The following EPHA3 variants were observed in gnomAD, a reference collection of about 807,000 sequenced individuals.
EPHA3 encodes EPH receptor A3.
Under a neutral mutation model 107.1 loss-of-function variants are expected in EPHA3, and 42 were observed. The observed-to-expected ratio is 0.39, with a 90% CI of 0.31 to 0.51. The LOEUF (loss-of-function observed/expected upper bound fraction) is 0.51. Among genes scored for constraint, EPHA3 ranks in the 20% least tolerant of loss-of-function variants. EPHA3 has a pLI of 0.78. For missense variants in EPHA3, 1,183 were observed against 1,211.2 expected, an observed-to-expected ratio of 0.98 and a Z score of 0.35; for synonymous variants, 461 against 424.8, an observed-to-expected ratio of 1.09 and a Z score of -1.05.
chr3:89,138,076 A>G (rs2107008353), intron 2 of EPHA3, among the ~76,000 whole-genome samples: 1 of 152,082 alleles, frequency 6.6e-6, no homozygotes, highest in East Asian at 1.9e-4. Flanking sequence ...AGTACTTACT[A>G]AGATATTCAG....
rs568185407 is a variant in EPHA3 at position 89,431,172 on chromosome 3, T to A, written c.2159T>A (p.Val720Asp). 1 of 1,613,828 alleles carries A rather than the reference T, an allele frequency of 6.2e-7. No homozygotes were observed. Among genetic ancestry groups the A allele is most frequent in the East Asian group, 2.2e-5 (1 of 44,848 alleles). ...CAGAAACACGATGCCCAGTTTACTG[T>A]CATTCAGCTAGTGGGGATGCTTCGA... ...FLRKHDAQFT[V>D]IQLVGMLRGI... The change falls in exon 13 of 17, where the codon GTC (valine) becomes GAC (aspartate). Residue 720 changes from valine to aspartate, a missense_variant. Val to Asp is a radical substitution (Grantham distance 152). Transcript: ENST00000336596.
intron 3 of EPHA3, among the ~76,000 whole-genome samples, chr3:89,230,041 A>G (rs1256214143): frequency 6.6e-6 from 1 of 152,126 alleles, no homozygotes; most frequent in African/African-American, 2.4e-5. Flanking sequence ...TATGAGCTTT[A>G]AAAATTATTT....
chr3:89,457,224 G>T (rs1435381978), intron 15 of EPHA3, among the ~76,000 whole-genome samples: 1 of 152,108 alleles, frequency 6.6e-6, no homozygotes, highest in Non-Finnish European at 1.5e-5. Flanking sequence ...CGCATAATAC[G>T]GTTTTGCTAG....
chr3:89,260,596 G>A (rs577415084), intron 3 of EPHA3, among the ~76,000 whole-genome samples: 45 of 152,114 alleles, frequency 3.0e-4, no homozygotes, highest in Non-Finnish European at 5.6e-4. Context: ...CCCCTTATCA[G>A]TTGTGTGATA....
chr3:89,191,455 C>G lies in EPHA3; in HGVS notation c.154-18405C>G, dbSNP rs566222895. On this transcript the variant is annotated intron_variant, in intron 2 of 16. Transcript: ENST00000336596. Reference sequence around the variant, plus strand: ...CCGAGTAGCTGGGACTACAGGCGCCCGCCACCACGCCCGGCTAATTTTTTG... The same window carrying G: ...CCGAGTAGCTGGGACTACAGGCGCCGGCCACCACGCCCGGCTAATTTTTTG... Among the ~76,000 whole-genome samples the G allele has an allele frequency of 6.7e-3, 1,015 of 151,862 alleles. 10 individuals carry two copies. The highest frequency in any genetic ancestry group is 0.023 in the African/African-American group (956 of 41,448).
chr3:89,115,070 G>A (rs1707220602), intron 1 of EPHA3, among the ~76,000 whole-genome samples: 1 of 152,116 alleles, frequency 6.6e-6, no homozygotes, highest in South Asian at 2.1e-4. Flanking sequence ...ATTCTGCAAG[G>A]TTCGCTGCCG....
chr3:89,267,730 C>T (rs1464196120), intron 3 of EPHA3, among the ~76,000 whole-genome samples: 1 of 151,944 alleles, frequency 6.6e-6, no homozygotes, highest in East Asian at 1.9e-4. Flanking sequence ...TCTGTTTAAG[C>T]TTTGGCTTGC....
At chr3:89,262,829 GC>G (rs944375642) in intron 3 of EPHA3, among the ~76,000 whole-genome samples, 10 of 152,070 alleles carry the variant, frequency 6.6e-5, no homozygotes, top group African/African-American at 2.4e-4. Context: ...GAGGGAGTGC[GC>G]AGGTGAGTGG....
chr3:89,148,033 T>C (rs1478982504), intron 2 of EPHA3, among the ~76,000 whole-genome samples: 1 of 151,932 alleles, frequency 6.6e-6, no homozygotes, highest in Non-Finnish European at 1.5e-5. Flanking sequence ...AATGATGTTA[T>C]ATTCTAGAAG....
At chr3:89,260,983 G>A (rs1705401991) in intron 3 of EPHA3, among the ~76,000 whole-genome samples, 1 of 152,090 alleles carries the variant, frequency 6.6e-6, no homozygotes, top group Non-Finnish European at 1.5e-5. Context: ...TCCATTATCT[G>A]CACATTTCCT....
chr3:89,251,595 G>T (rs1705168989), intron 3 of EPHA3, among the ~76,000 whole-genome samples: 1 of 151,924 alleles, frequency 6.6e-6, no homozygotes, highest in Admixed American at 6.6e-5. Flanking sequence ...ATTTAAATAT[G>T]AATCAATCTG....
intron 3 of EPHA3, among the ~76,000 whole-genome samples, chr3:89,268,443 A>C (rs2107293310): frequency 6.6e-6 from 1 of 152,216 alleles, no homozygotes; most frequent in South Asian, 2.1e-4. Flanking sequence ...CATTCTCAGA[A>C]ATTTAAAGGG....
At chr3:89,149,072 T>C (rs1324999730) in intron 2 of EPHA3, among the ~76,000 whole-genome samples, 4 of 151,692 alleles carry the variant, frequency 2.6e-5, no homozygotes, top group Admixed American at 6.6e-5. Context: ...GACAGAAAAA[T>C]GGGAGCATGG....
chr3:89,373,088 G>A (rs1275956210), intron 5 of EPHA3, among the ~76,000 whole-genome samples: 1 of 151,796 alleles, frequency 6.6e-6, no homozygotes, highest in Admixed American at 6.6e-5. Flanking sequence ...AAAAGTCTCT[G>A]GCACAAAATA....
intron 5 of EPHA3, among the ~76,000 whole-genome samples, chr3:89,348,531 G>A (rs777431537): frequency 0.021 from 2,891 of 136,738 alleles, 172 homozygotes; most frequent in African/African-American, 0.084. Context: ...TCTTGCTAGC[G>A]GTCTATCAAT....
At chr3:89,359,770 C>CATATAT in intron 5 of EPHA3, among the ~76,000 whole-genome samples, 1 of 139,364 alleles carries the variant, frequency 7.2e-6, no homozygotes, top group African/African-American at 2.8e-5. Context: ...CATATATACA[C>CATATAT]ACATATATAT....
intron 2 of EPHA3, among the ~76,000 whole-genome samples, chr3:89,184,763 T>A (rs1705523791): frequency 6.6e-6 from 1 of 151,996 alleles, no homozygotes; most frequent in South Asian, 2.1e-4. Flanking sequence ...TAAGAGGGAA[T>A]GTTTTCCAGC....
intron 5 of EPHA3, among the ~76,000 whole-genome samples, chr3:89,381,422 C>A (rs780368749): frequency 3.3e-5 from 5 of 151,902 alleles, no homozygotes; most frequent in Non-Finnish European, 5.9e-5. Context: ...GTAATCCCAG[C>A]ACTTCAGGAG....
intron 1 of EPHA3, among the ~76,000 whole-genome samples, chr3:89,124,509 A>T (rs1341115856): frequency 6.6e-6 from 1 of 152,046 alleles, no homozygotes; most frequent in Non-Finnish European, 1.5e-5. Flanking sequence ...TATAAATCCA[A>T]AGTATGTGCT....
Sources: gnomAD v4.1 joint callset for allele counts (sites outside exome capture counted in the v4.1 genomes callset) on GRCh38, gnomAD v4.1.1 for gene constraint, MANE v1.5 for transcripts, NCBI Gene and HGNC (gene_info 2026-07-23, HGNC 2026-07-21) for gene names.